Variants in RRP9 observed in about 807,000 individuals in gnomAD.
RRP9 encodes the protein ribosomal RNA processing 9, U3 small nucleolar RNA binding protein.
A neutral mutation model predicts 65.5 loss-of-function variants in RRP9; 35 were observed. That is an observed-to-expected ratio of 0.53 (90% CI 0.41 to 0.71). The LOEUF is 0.71. Among genes scored for constraint, RRP9 ranks in the 30% least tolerant of loss-of-function variants. RRP9 has a pLI of 0.00. For missense variants in RRP9, 533 were observed against 633.6 expected (o/e 0.84, Z 1.70); for synonymous variants, 254 against 245.0 (o/e 1.04, Z -0.34).
At chr3:51,940,926 C>G (rs1003061603) in intron 2 of RRP9, among the ~76,000 whole-genome samples, 2 of 152,140 alleles carry the variant, frequency 1.3e-5, no homozygotes, top group African/African-American at 4.8e-5. Flanking sequence ...CTCTCAAGAC[C>G]CTATTTAAAT....
Position 51,935,437 on chromosome 3 carries a change from C to G in RRP9, c.876G>C (p.Leu292Phe), listed in dbSNP as rs534249993. The change falls in exon 10 of 15, where the codon TTG becomes TTC. Residue 292 changes from leucine to phenylalanine, a missense_variant. By Grantham distance (22) the Leu-to-Phe change is conservative. Around this residue, in one of 3 missense-constraint regions of RRP9, gnomAD observed 449 missense variants for 550.6 expected, o/e 0.82. Coordinates refer to ENST00000232888, the MANE Select transcript of RRP9 (RefSeq NM_004704.5). ...CAGCCGTCACACAGCACTCCCGGCTCAAGGCATCCAGTGCAGCCACAGCGT... is the reference window on the plus strand; with the variant it reads ...CAGCCGTCACACAGCACTCCCGGCTGAAGGCATCCAGTGCAGCCACAGCGT... ...HQDAVAALDA[L>F]SRECCVTAGG... 113 of 1,614,188 alleles carry G rather than the reference C, an allele frequency of 7.0e-5. 1 individual carries two copies. The Middle Eastern group carries it at 2.1e-3, about 31-fold the overall frequency.
intron 6 of RRP9, 61 bp from the exon 7 acceptor site, chr3:51,936,616 C>T (rs1699462747): frequency 1.5e-5 from 23 of 1,549,682 alleles, no homozygotes; most frequent in Non-Finnish European, 1.9e-5. Context: ...CTGGCAACCC[C>T]CCTCAAGGGG....
intron 10 of RRP9, 24 bp downstream of exon 10, chr3:51,935,318 C>A: frequency 6.2e-7 from 1 of 1,614,182 alleles, no homozygotes; most frequent in Non-Finnish European, 8.5e-7. Flanking sequence ...ATGTAGCCCC[C>A]ACTGGCATGG....
Position 51,941,361 on chromosome 3 carries a change from C to G in RRP9, c.170+48G>C, listed in dbSNP as rs369461589. 4.5e-5 allele frequency: 66 copies of G among 1,481,646 alleles called. No homozygotes were observed. In the African/African-American group the frequency reaches 8.3e-4, roughly 19 times the overall value. The allele number at this position is 1,481,646 out of a possible 1,614,324, so 91.8% of individuals were successfully genotyped here. ...TCGGACTCACTCAGTCTTCCGTGCA[C>G]CATGGGACTCAGTTTTCCCTCCCAC... On this transcript the variant is annotated intron_variant, in intron 2 of 14. Coordinates refer to ENST00000232888, the MANE Select transcript of RRP9 (RefSeq NM_004704.5).
Position 51,934,805 on chromosome 3 carries a change from A to C in RRP9, c.1035-29T>G. The C allele has an allele frequency of 5.6e-6, 9 of 1,599,300 alleles. No homozygotes were observed. Among genetic ancestry groups the C allele is most frequent in the Non-Finnish European group, 6.8e-6 (8 of 1,171,662 alleles). ...TAAACAGGGAGGGAATACAGCAGTG[A>C]GGGGGCCAGAGGCAGAAAAGGCCCC... On this transcript the variant is annotated intron_variant, in intron 11 of 14. Transcript: ENST00000232888. The surrounding 1 kb of genome is among the most constrained non-coding windows in gnomAD (Gnocchi z 4.1).
At position 51,941,453 on chromosome 3, in the gene RRP9, G is replaced by T; in HGVS notation, c.126C>A (p.Gly42=). 6.2e-7 allele frequency: 1 copy of T among 1,614,050 alleles called. No individual in the cohort carries two copies. ...SAGDRGKSKG[G]GKMNEEISSD... is the part of the protein sequence containing the mutation. ...TGGAGATCTCCTCATTCATCTTGCC[G>T]CCACCCTTGGATTTGCCCCTGTCCC... Residue 42 remains glycine, a synonymous_variant, in exon 2 of 15, where the codon GGC becomes GGA. Coordinates refer to ENST00000232888, the MANE Select transcript of RRP9 (RefSeq NM_004704.5).
chr3:51,938,608 C>G (rs1275574340), intron 2 of RRP9, among the ~76,000 whole-genome samples: 1 of 152,176 alleles, frequency 6.6e-6, no homozygotes, highest in Non-Finnish European at 1.5e-5. Flanking sequence ...AATACACTGA[C>G]CCCTAAAATG....
intron 1 of RRP9, 22 bp downstream of exon 1, chr3:51,941,759 C>A: frequency 6.5e-7 from 1 of 1,539,744 alleles, no homozygotes; most frequent in Non-Finnish European, 8.7e-7. Context: ...CTGACCGCGG[C>A]CCTCAGAAGC....
Position 51,937,990 on chromosome 3 carries a change from G to A in RRP9, c.280+105C>T. 2 of 1,081,388 alleles carry A rather than the reference G, an allele frequency of 1.8e-6. No homozygotes were observed. Among genetic ancestry groups the A allele is most frequent in the Non-Finnish European group, 2.7e-6 (2 of 749,270 alleles). The allele number at this position is 1,081,388 out of a possible 1,614,324, so 67.0% of individuals were successfully genotyped here. A position where few individuals can be genotyped will look rare whatever the true frequency, so the allele number is the denominator to read the frequency against. On this transcript the variant is annotated intron_variant, in intron 3 of 14. Coordinates refer to ENST00000232888, the MANE Select transcript of RRP9 (RefSeq NM_004704.5). This position sits in a 1 kb window ranked among gnomAD's most constrained non-coding sequence, Gnocchi z 5.0. The stretch of plus-strand genomic sequence containing the variant: ...AGCACTGACAGCCTGGGCACCCACT[G>A]GGAATCCATGTCAGTCACCCATCAA...
In RRP9 at chr3:51,938,076, GGCCT is replaced by G; in HGVS notation, c.280+15_280+18del. ...ACAGGCAGAAGCCCTGCCCATGGCT[GGCCT>G]GCCCACTGGCTCACCTTGCTGACGG... On this transcript the variant is annotated intron_variant, in intron 3 of 14. Coordinates refer to ENST00000232888, the MANE Select transcript of RRP9 (RefSeq NM_004704.5). 1 of 1,578,026 alleles carries G rather than the reference GGCCT, an allele frequency of 6.3e-7. No individual in the cohort carries two copies. Among genetic ancestry groups the G allele is most frequent in the Non-Finnish European group, 8.6e-7 (1 of 1,164,584 alleles).
chr3:51,938,622 T>C (rs1699483994), intron 2 of RRP9, among the ~76,000 whole-genome samples: 1 of 152,114 alleles, frequency 6.6e-6, no homozygotes. Context: ...TAAAATGCCA[T>C]GCCCAGTCAA....
chr3:51,937,608 G>A lies in RRP9; in HGVS notation c.349-22C>T, dbSNP rs2106675168. 2 of 1,614,182 alleles carry A rather than the reference G, an allele frequency of 1.2e-6. No homozygotes were observed. The highest frequency in any genetic ancestry group is 2.2e-5 in the East Asian group (1 of 44,888). ...CAAGCTGCATGGAGAAGAGATGGATGAGACCCTGGGAGCAGATCAGCTCCA... is the reference window on the plus strand; with the variant it reads ...CAAGCTGCATGGAGAAGAGATGGATAAGACCCTGGGAGCAGATCAGCTCCA... On this transcript the variant is annotated intron_variant, in intron 4 of 14. Coordinates refer to ENST00000232888, the MANE Select transcript of RRP9 (RefSeq NM_004704.5). This position sits in a 1 kb window ranked among gnomAD's most constrained non-coding sequence, Gnocchi z 5.0.
rs1363898566 is a variant in RRP9, at chr3:51,941,717, T to A, written c.87+64A>T. ...GGGAAGGGCCGGGACCCAGGTCCCCTGGATGGGATGACGGTTGTCCCAGTA... is the reference window on the plus strand; with the variant it reads ...GGGAAGGGCCGGGACCCAGGTCCCCAGGATGGGATGACGGTTGTCCCAGTA... On this transcript the variant is annotated intron_variant, in intron 1 of 14. Transcript: ENST00000232888. The A allele has an allele frequency of 2.8e-6, 4 of 1,429,398 alleles. No homozygotes were observed. The African/African-American group carries it at 4.2e-5, about 15-fold the overall frequency. The allele number at this position is 1,429,398 out of a possible 1,614,324, so 88.5% of individuals were successfully genotyped here. A position where few individuals can be genotyped will look rare whatever the true frequency, so the allele number is the denominator to read the frequency against.
chr3:51,941,740 G>C lies in RRP9; in HGVS notation c.87+41C>G, dbSNP rs201726370. 6.3e-4 allele frequency: 942 copies of C among 1,503,570 alleles called. 5 individuals carry two copies. In the African/African-American group the frequency reaches 0.011, roughly 17 times the overall value. The allele number at this position is 1,503,570 out of a possible 1,614,324, so 93.1% of individuals were successfully genotyped here. ...CCTGGATGGGATGACGGTTGTCCCA[G>C]TAGCAGGGCTGACCGCGGCCCTCAG... On this transcript the variant is annotated intron_variant, in intron 1 of 14. Transcript: ENST00000232888.
chr3:51,941,846 G>C lies in RRP9; in HGVS notation c.22C>G (p.Arg8Gly), dbSNP rs1333637065. Residue 8 changes from arginine (R) to glycine (G), a missense_variant, in exon 1 of 15, where the codon CGT becomes GGT. Transcript: ENST00000232888. MSATAAARKRGKPASGAG... is the reference protein window; with the variant it reads MSATAAAGKRGKPASGAG... The stretch of plus-strand genomic sequence containing the variant: ...CCAGAGGCCGGCTTTCCCCGCTTAC[G>C]AGCAGCCGCTGTTGCCGACATGCTG... 2 of 1,582,756 alleles carry C rather than the reference G, an allele frequency of 1.3e-6. No homozygotes were observed. Among genetic ancestry groups the C allele is most frequent in the African/African-American group, 2.7e-5 (2 of 74,228 alleles).
intron 1 of RRP9, 54 bp from the exon 2 acceptor site, chr3:51,941,545 GACC>G: frequency 6.6e-7 from 1 of 1,509,332 alleles, no homozygotes; most frequent in South Asian, 1.1e-5. Flanking sequence ...CCCTGGCATT[GACC>G]AAGGGCCCCC....
chr3:51,941,708 C>T, intron 1 of RRP9, 73 bp downstream of exon 1: 2 of 1,377,162 alleles, frequency 1.5e-6, no homozygotes, highest in South Asian at 1.2e-5. Context: ...GGCCGGGACC[C>T]AGGTCCCCTG....
chr3:51,937,479 C>T lies in RRP9; in HGVS notation c.390+66G>A. 6.2e-7 allele frequency: 1 copy of T among 1,608,416 alleles called. No homozygotes were observed. Among genetic ancestry groups the T allele is most frequent in the South Asian group, 1.1e-5 (1 of 90,910 alleles). ...TACCTGACCAGATAGGCCCAAGTGTCCACCATGTTCCAAGTGGGGCCCCCA... is the reference window on the plus strand; with the variant it reads ...TACCTGACCAGATAGGCCCAAGTGTTCACCATGTTCCAAGTGGGGCCCCCA... On this transcript the variant is annotated intron_variant, in intron 5 of 14. Transcript: ENST00000232888. The surrounding 1 kb of genome is among the most constrained non-coding windows in gnomAD (Gnocchi z 5.0).
At chr3:51,940,164 G>A (rs1009146254) in intron 2 of RRP9, among the ~76,000 whole-genome samples, 5 of 152,136 alleles carry the variant, frequency 3.3e-5, no homozygotes, top group African/African-American at 1.2e-4. Context: ...GCTGAGGCAG[G>A]AGAATCACTT....
Sources: gnomAD v4.1 joint callset for allele counts (sites outside exome capture counted in the v4.1 genomes callset) on GRCh38, gnomAD v4.1.1 for gene constraint, gnomAD v4.1.1 regional missense constraint, Gnocchi (gnomAD v3.1) non-coding constraint, MANE v1.5 for transcripts, NCBI Gene and HGNC (gene_info 2026-07-23, HGNC 2026-07-21) for gene names.